The following EMP2 variants were observed in gnomAD, a reference collection of about 807,000 sequenced individuals.
The protein encoded by EMP2 is epithelial membrane protein 2.
EMP2 carries 19 observed loss-of-function variants against 13.7 expected under a neutral mutation model. That is an observed-to-expected ratio of 1.38 (90% CI 0.97 to 2.03). The LOEUF is 2.03. Ranked by LOEUF, EMP2 falls within the 30% of genes most tolerant of loss-of-function variation. The pLI, the probability that EMP2 is intolerant of heterozygous loss-of-function variation, is 0.00. For synonymous variants in EMP2, 97 were observed against 84.7 expected (o/e 1.15, Z -0.80); for missense variants, 253 against 220.7 (o/e 1.15, Z -0.93).
At chr16:10,556,612 G>A (rs1197409257) in intron 1 of EMP2, among the ~76,000 whole-genome samples, 2 of 152,188 alleles carry the variant, frequency 1.3e-5, no homozygotes, top group Non-Finnish European at 2.9e-5. Context: ...GTGCCCACAG[G>A]GGTCATGCCA....
At chr16:10,574,982 C>T (rs1012232625) in intron 1 of EMP2, among the ~76,000 whole-genome samples, 2 of 151,012 alleles carry the variant, frequency 1.3e-5, no homozygotes, top group African/African-American at 4.9e-5. Context: ...AAGCCCTGGG[C>T]TCAAGCAATC....
chr16:10,549,839 G>A (rs1222331529), intron 1 of EMP2, among the ~76,000 whole-genome samples: 2 of 150,388 alleles, frequency 1.3e-5, no homozygotes, highest in African/African-American at 4.9e-5. Flanking sequence ...GAAAAACCAA[G>A]GACATTTTCT....
rs745634062 is a variant in EMP2, at chr16:10,547,631, G to T, written c.-14C>A. 3 of 1,613,854 alleles carry T rather than the reference G, an allele frequency of 1.9e-6. No individual in the cohort carries two copies. Among genetic ancestry groups the T allele is most frequent in the East Asian group, 4.5e-5 (2 of 44,864 alleles). Reference sequence around the variant, plus strand: ...AAGCACCAACATTTTCACAGGGCAGGGCGAGTCGAGGCGAGGGGTCACGTT... The same window carrying T: ...AAGCACCAACATTTTCACAGGGCAGTGCGAGTCGAGGCGAGGGGTCACGTT... On this transcript the variant is annotated 5_prime_UTR_variant, in exon 2 of 5. Transcript: ENST00000359543.
intron 1 of EMP2, among the ~76,000 whole-genome samples, chr16:10,566,492 C>T (rs1052396701): frequency 6.6e-6 from 1 of 152,188 alleles, no homozygotes; most frequent in East Asian, 1.9e-4. Flanking sequence ...TTGATGAAAT[C>T]AGAAGAACTG....
chr16:10,548,432 T>C (rs974295027), intron 1 of EMP2, among the ~76,000 whole-genome samples: 1 of 152,184 alleles, frequency 6.6e-6, no homozygotes, highest in African/African-American at 2.4e-5. Flanking sequence ...GGCTCACGCC[T>C]GTAATCTCAC....
chr16:10,563,424 T>C (rs2050886226), intron 1 of EMP2, among the ~76,000 whole-genome samples: 1 of 152,218 alleles, frequency 6.6e-6, no homozygotes, highest in African/African-American at 2.4e-5. Context: ...ACTCCTGACC[T>C]CAAATGATCC....
At chr16:10,575,965 C>A (rs1015539574) in intron 1 of EMP2, among the ~76,000 whole-genome samples, 1 of 152,078 alleles carries the variant, frequency 6.6e-6, no homozygotes, top group Admixed American at 6.6e-5. Flanking sequence ...AAGTGTGACA[C>A]GTCCATCCCA....
chr16:10,554,378 C>G (rs770859536), intron 1 of EMP2, among the ~76,000 whole-genome samples: 1 of 152,100 alleles, frequency 6.6e-6, no homozygotes. Context: ...GGTGGAGAAG[C>G]CTTGATGTTA....
At chr16:10,555,596 C>CTT (rs5815586) in intron 1 of EMP2, among the ~76,000 whole-genome samples, 126 of 149,752 alleles carry the variant, frequency 8.4e-4, no homozygotes, top group African/African-American at 2.7e-3. Context: ...CTTTTTTTTT[C>CTT]TTTTTTTTTG....
intron 3 of EMP2, among the ~76,000 whole-genome samples, chr16:10,538,840 G>A (rs1446055779): frequency 6.6e-6 from 1 of 152,108 alleles, no homozygotes; most frequent in Admixed American, 6.6e-5. Context: ...TTTTGAGACA[G>A]GGTCTCACTC....
Position 10,529,301 on chromosome 16 carries a change from G to C in EMP2, c.*3604C>G, listed in dbSNP as rs1346402733. 6.6e-6 allele frequency: 1 copy of C among 152,208 alleles called. No homozygotes were observed. Among genetic ancestry groups the C allele is most frequent in the Non-Finnish European group, 1.5e-5 (1 of 68,042 alleles). The allele number at this position is 152,208 out of a possible 1,614,324, so 9.4% of individuals were successfully genotyped here. Reference sequence around the variant, plus strand: ...ATTGTTCTTGAATAACTGGTAATAAGCACCAAGTGAGGGCTGATTCTATCT... The same window carrying C: ...ATTGTTCTTGAATAACTGGTAATAACCACCAAGTGAGGGCTGATTCTATCT... On this transcript the variant is annotated 3_prime_UTR_variant, in exon 5 of 5. Coordinates refer to ENST00000359543, the MANE Select transcript of EMP2 (RefSeq NM_001424.6).
intron 2 of EMP2, chr16:10,545,062 C>A (rs1386917989): frequency 6.6e-6 from 1 of 152,160 alleles, no homozygotes; most frequent in African/African-American, 2.4e-5. Context: ...TAATGAATAC[C>A]CTCAGACTCA....
chr16:10,565,903 G>A (rs1362400117), intron 1 of EMP2, among the ~76,000 whole-genome samples: 1 of 152,214 alleles, frequency 6.6e-6, no homozygotes, highest in South Asian at 2.1e-4. Flanking sequence ...GAGTGCTTCT[G>A]ATGATATTGC....
chr16:10,537,506 G>C (rs1179527051), intron 4 of EMP2, among the ~76,000 whole-genome samples: 1 of 152,144 alleles, frequency 6.6e-6, no homozygotes, highest in African/African-American at 2.4e-5. Context: ...TGCCCTGCTG[G>C]TTCACTTCCC....
chr16:10,567,592 C>G (rs1162467955), intron 1 of EMP2, among the ~76,000 whole-genome samples: 1 of 152,108 alleles, frequency 6.6e-6, no homozygotes, highest in Non-Finnish European at 1.5e-5. Context: ...AAGGTAAGGC[C>G]AGGTGTGGAG....
intron 1 of EMP2, among the ~76,000 whole-genome samples, chr16:10,575,234 A>ATTTT (rs1261477826): frequency 1.3e-4 from 7 of 53,364 alleles, no homozygotes; most frequent in Non-Finnish European, 2.4e-4. Flanking sequence ...TGGAGCTTGC[A>ATTTT]TTCTTTTTTT....
intron 1 of EMP2, among the ~76,000 whole-genome samples, chr16:10,577,414 C>T (rs575972525): frequency 2.4e-4 from 36 of 152,232 alleles, no homozygotes; most frequent in Admixed American, 4.6e-4. Context: ...TTTTAGACTC[C>T]CCCCTGGCCT....
chr16:10,574,120 T>C (rs572667994), intron 1 of EMP2, among the ~76,000 whole-genome samples: 16 of 152,008 alleles, frequency 1.1e-4, no homozygotes, highest in Admixed American at 9.2e-4. Flanking sequence ...GTATTTTTGG[T>C]AGAGATGGGG....
chr16:10,567,741 C>A (rs2050917851), intron 1 of EMP2, among the ~76,000 whole-genome samples: 1 of 152,206 alleles, frequency 6.6e-6, no homozygotes. Flanking sequence ...CCTCATACAG[C>A]AAACCAAAGC....
Sources: allele counts gnomAD v4.1 joint callset (sites outside exome capture counted in the v4.1 genomes callset), GRCh38; gene constraint gnomAD v4.1.1; transcripts MANE v1.5; gene names NCBI Gene and HGNC (gene_info 2026-07-23, HGNC 2026-07-21).